LPP: variants seen among roughly 807,000 people sequenced by gnomAD.
LPP encodes the protein lipoma-preferred partner.
In LPP, 38 loss-of-function variants were observed where a neutral mutation model predicts 60.4. The observed-to-expected ratio is 0.63, with a 90% CI of 0.49 to 0.83. LPP has a LOEUF of 0.83. Ranked by LOEUF, LPP falls within the 40% of genes least tolerant of loss-of-function variation. LPP has a pLI of 0.00. For missense variants in LPP, 902 were observed against 783.6 expected, an observed-to-expected ratio of 1.15 and a Z score of -1.80; for synonymous variants, 328 against 290.8, an observed-to-expected ratio of 1.13 and a Z score of -1.30.
chr3:188,480,554 G>C (rs1372411870), intron 4 of LPP, among the ~76,000 whole-genome samples: 1 of 152,224 alleles, frequency 6.6e-6, no homozygotes, highest in African/African-American at 2.4e-5. Flanking sequence ...CTGAAGGCAC[G>C]TGTCTATGAC....
At chr3:188,195,300 G>C (rs1318039104) in intron 1 of LPP, among the ~76,000 whole-genome samples, 1 of 152,030 alleles carries the variant, frequency 6.6e-6, no homozygotes, top group Non-Finnish European at 1.5e-5. Flanking sequence ...GACGAAATTT[G>C]TGATTTTTGA....
intron 7 of LPP, among the ~76,000 whole-genome samples, chr3:188,669,479 A>T (rs112640827): frequency 2.0e-5 from 3 of 152,074 alleles, no homozygotes; most frequent in African/African-American, 7.2e-5. Context: ...GGGAGGCTGA[A>T]GCAGGAGAAT....
chr3:188,444,584 C>G (rs933709168), intron 4 of LPP, among the ~76,000 whole-genome samples: 2 of 152,116 alleles, frequency 1.3e-5, no homozygotes, highest in African/African-American at 4.8e-5. Context: ...GCAAAGACTT[C>G]ATGACTAAAA....
intron 2 of LPP, among the ~76,000 whole-genome samples, chr3:188,250,738 CTTTCTT>C: frequency 2.1e-5 from 2 of 94,194 alleles, no homozygotes; most frequent in Admixed American, 1.0e-4. Flanking sequence ...TTCTTTCTTT[CTTTCTT>C]TCTTTCTTTC....
intron 4 of LPP, among the ~76,000 whole-genome samples, chr3:188,457,296 G>A (rs934062767): frequency 3.9e-5 from 6 of 152,062 alleles, no homozygotes; most frequent in Admixed American, 2.6e-4. Context: ...ACAACTTCCC[G>A]TTTTTAAACT....
chr3:188,837,280 G>GAGGC (rs1758692363), intron 9 of LPP, among the ~76,000 whole-genome samples: 1 of 151,890 alleles, frequency 6.6e-6, no homozygotes, highest in Non-Finnish European at 1.5e-5. Flanking sequence ...TCGGGAGGCT[G>GAGGC]AGGCAGGAGA....
intron 7 of LPP, among the ~76,000 whole-genome samples, chr3:188,702,916 G>A (rs574034047): frequency 2.0e-5 from 3 of 152,220 alleles, no homozygotes; most frequent in East Asian, 1.9e-4. Flanking sequence ...ACCCCGAGAG[G>A]CATTGCAGTG....
chr3:188,744,357 C>T (rs138222199), intron 8 of LPP, among the ~76,000 whole-genome samples: 22 of 152,246 alleles, frequency 1.4e-4, no homozygotes, highest in African/African-American at 5.3e-4. Context: ...TCTCCACATC[C>T]AATGTGTCCT....
rs1282699087 is a variant in LPP at position 188,758,799 on chromosome 3, T to A, written c.1241-1314T>A. 2.0e-5 allele frequency: 3 copies of A among 152,228 alleles called. No individual in the cohort carries two copies. In the East Asian group the frequency reaches 5.8e-4, roughly 29 times the overall value. The allele number at this position is 152,228 out of a possible 1,614,324, so 9.4% of individuals were successfully genotyped here. ...ATAGCATAGTGTTTAAGAGCACAGA[T>A]GCTGAAGTTAGACTGCTTAGGCTGG... is the stretch of plus-strand genomic sequence containing the variant. On this transcript the variant is annotated intron_variant, in intron 8 of 11. Transcript: ENST00000617246.
At chr3:188,386,160 G>C (rs1778204932) in intron 3 of LPP, among the ~76,000 whole-genome samples, 1 of 151,688 alleles carries the variant, frequency 6.6e-6, no homozygotes, top group Admixed American at 6.6e-5. Flanking sequence ...AAGTTCTCTG[G>C]CATATCAGGA....
At chr3:188,588,413 A>G (rs945095825) in intron 6 of LPP, among the ~76,000 whole-genome samples, 2 of 152,190 alleles carry the variant, frequency 1.3e-5, no homozygotes, top group Non-Finnish European at 2.9e-5. Flanking sequence ...AACTAAAATT[A>G]AAGGTAGATG....
chr3:188,779,318 T>A (rs1738849622), intron 9 of LPP, among the ~76,000 whole-genome samples: 1 of 152,158 alleles, frequency 6.6e-6, no homozygotes, highest in Non-Finnish European at 1.5e-5. Context: ...GGACCATGGA[T>A]TATTTCATTT....
At chr3:188,746,032 C>T (rs1401776634) in intron 8 of LPP, among the ~76,000 whole-genome samples, 1 of 152,106 alleles carries the variant, frequency 6.6e-6, no homozygotes, top group East Asian at 1.9e-4. Flanking sequence ...TAGCATCTTA[C>T]GCATCTAAGT....
chr3:188,211,560 A>G (rs879542887), intron 1 of LPP, among the ~76,000 whole-genome samples: 4 of 152,024 alleles, frequency 2.6e-5, no homozygotes, highest in Non-Finnish European at 5.9e-5. Context: ...GTCTGGAGTC[A>G]TTTTAGATCA....
At chr3:188,604,714 C>G (rs1842072013) in intron 6 of LPP, among the ~76,000 whole-genome samples, 1 of 152,032 alleles carries the variant, frequency 6.6e-6, no homozygotes, top group Admixed American at 6.6e-5. Context: ...ATTCATTCAT[C>G]AAATATTTGT....
At chr3:188,495,848 G>A (rs957051705) in intron 5 of LPP, among the ~76,000 whole-genome samples, 1 of 152,148 alleles carries the variant, frequency 6.6e-6, no homozygotes, top group Non-Finnish European at 1.5e-5. Context: ...AGAGGATGCT[G>A]ACACCAAAAA....
At chr3:188,327,832 T>C (rs2150464223) in intron 2 of LPP, among the ~76,000 whole-genome samples, 1 of 152,328 alleles carries the variant, frequency 6.6e-6, no homozygotes, top group African/African-American at 2.4e-5. Flanking sequence ...GTTTCATCTC[T>C]GAACTCCTTT....
intron 8 of LPP, among the ~76,000 whole-genome samples, chr3:188,754,660 A>T (rs1042312086): frequency 5.4e-5 from 8 of 148,540 alleles, no homozygotes; most frequent in African/African-American, 9.9e-5. Context: ...AGGGATCAAT[A>T]TTTTTTTTTT....
intron 3 of LPP, among the ~76,000 whole-genome samples, chr3:188,363,226 G>C (rs751179737): frequency 2.0e-5 from 3 of 151,998 alleles, no homozygotes; most frequent in Non-Finnish European, 4.4e-5. Flanking sequence ...TTCCACGCCC[G>C]GTTTTTTGCT....
Sources: allele counts gnomAD v4.1 joint callset (sites outside exome capture counted in the v4.1 genomes callset), GRCh38; gene constraint gnomAD v4.1.1; transcripts MANE v1.5; gene names NCBI Gene and HGNC (gene_info 2026-07-23, HGNC 2026-07-21).